KHDRBS2: variants seen among roughly 807,000 people sequenced by gnomAD.
KHDRBS2 encodes KH RNA binding domain containing, signal transduction associated 2.
In KHDRBS2, 26 loss-of-function variants were observed where a neutral mutation model predicts 44.3. The observed-to-expected ratio is 0.59, with a 90% CI of 0.43 to 0.81. The LOEUF (loss-of-function observed/expected upper bound fraction) is 0.81. KHDRBS2 is among the 40% of genes least tolerant of loss of function. KHDRBS2 has a pLI of 0.00. For synonymous variants in KHDRBS2, 194 were observed against 151.1 expected (o/e 1.28, Z -2.08); for missense variants, 476 against 433.1 (o/e 1.10, Z -0.88).
intron 6 of KHDRBS2, among the ~76,000 whole-genome samples, chr6:61,734,699 C>T (rs557625803): frequency 3.3e-5 from 5 of 152,098 alleles, no homozygotes; most frequent in Admixed American, 3.3e-4. Flanking sequence ...TTCTCATACA[C>T]CTTTTCCTTT....
At chr6:61,676,465 T>C (rs1582115176), downstream of KHDRBS2, among the ~76,000 whole-genome samples, 4 of 151,984 alleles carry the variant, frequency 2.6e-5, no homozygotes, top group South Asian at 6.2e-4. Flanking sequence ...ATTTAAGTTC[T>C]GGAGGCACTG....
chr6:61,838,899 G>T (rs1361593339), intron 6 of KHDRBS2, among the ~76,000 whole-genome samples: 1 of 152,042 alleles, frequency 6.6e-6, no homozygotes, highest in Admixed American at 6.6e-5. Context: ...CCTTGCATGA[G>T]ATTGAGAAGT....
chr6:61,970,545 A>G (rs982639939), intron 4 of KHDRBS2, among the ~76,000 whole-genome samples: 2 of 152,110 alleles, frequency 1.3e-5, no homozygotes, highest in African/African-American at 4.8e-5. Flanking sequence ...GCATTTAGAG[A>G]TTACTGAGAG....
At chr6:62,089,416 G>A (rs941880465) in intron 2 of KHDRBS2, among the ~76,000 whole-genome samples, 1 of 152,196 alleles carries the variant, frequency 6.6e-6, no homozygotes, top group African/African-American at 2.4e-5. Context: ...TGGGAAAAGT[G>A]TAGTATCTGG....
At chr6:62,284,986 T>A (rs1842282985) in intron 1 of KHDRBS2, among the ~76,000 whole-genome samples, 1 of 151,980 alleles carries the variant, frequency 6.6e-6, no homozygotes, top group Admixed American at 6.5e-5. Flanking sequence ...GAAGCATTCA[T>A]CTAAAAAAAA....
At chr6:62,188,838 G>A (rs1460974370) in intron 1 of KHDRBS2, among the ~76,000 whole-genome samples, 2 of 152,182 alleles carry the variant, frequency 1.3e-5, no homozygotes, top group Non-Finnish European at 2.9e-5. Context: ...AGTAGGCTGG[G>A]TGCGGTGGCT....
chr6:61,658,062 G>T, the KHDRBS2 span, among the ~76,000 whole-genome samples: 1 of 151,740 alleles, frequency 6.6e-6, no homozygotes, highest in African/African-American at 2.4e-5. Context: ...TTATGCATAG[G>T]CTAGTCCACT....
At chr6:62,054,273 T>C (rs1789761820) in intron 2 of KHDRBS2, among the ~76,000 whole-genome samples, 1 of 152,062 alleles carries the variant, frequency 6.6e-6, no homozygotes, top group African/African-American at 2.4e-5. Context: ...ATATCAAGAT[T>C]CATCATAAAC....
chr6:62,285,772 T>A, intron 1 of KHDRBS2, 86 bp downstream of exon 1: 1 of 835,466 alleles, frequency 1.2e-6, no homozygotes, highest in Non-Finnish European at 1.9e-6. Context: ...GGGAGAGGAG[T>A]CCCTCCCCAA....
chr6:61,877,543 C>T (rs1799598222), intron 6 of KHDRBS2, among the ~76,000 whole-genome samples: 2 of 151,594 alleles, frequency 1.3e-5, no homozygotes, highest in Non-Finnish European at 2.9e-5. Flanking sequence ...ACACACAAAC[C>T]TACACTGCTC....
At chr6:62,072,275 T>G (rs1795309593) in intron 2 of KHDRBS2, among the ~76,000 whole-genome samples, 1 of 152,220 alleles carries the variant, frequency 6.6e-6, no homozygotes, top group Non-Finnish European at 1.5e-5. Context: ...TATACAATCA[T>G]GTCATCTGCA....
At chr6:61,796,467 T>A (rs1258444348) in intron 6 of KHDRBS2, among the ~76,000 whole-genome samples, 1 of 152,110 alleles carries the variant, frequency 6.6e-6, no homozygotes, top group East Asian at 1.9e-4. Context: ...ATTCACATTA[T>A]GAGAATTTGG....
At chr6:61,612,027 T>C in the KHDRBS2 span, among the ~76,000 whole-genome samples, 1 of 152,344 alleles carries the variant, frequency 6.6e-6, no homozygotes, top group East Asian at 1.9e-4. Flanking sequence ...TGTATACATG[T>C]GCATATATAA....
At chr6:61,687,505 C>G (rs1252810463) in intron 8 of KHDRBS2, among the ~76,000 whole-genome samples, 1 of 151,758 alleles carries the variant, frequency 6.6e-6, no homozygotes, top group Non-Finnish European at 1.5e-5. Flanking sequence ...ATAGGCTTCC[C>G]TCAGATGGAT....
intron 3 of KHDRBS2, among the ~76,000 whole-genome samples, chr6:61,982,020 C>G (rs1773944202): frequency 6.6e-6 from 1 of 152,072 alleles, no homozygotes; most frequent in Non-Finnish European, 1.5e-5. Context: ...CCTTTGTCAA[C>G]TGTGTTATAA....
At chr6:61,930,541 AAAAAG>A (rs1207050876) in intron 4 of KHDRBS2, among the ~76,000 whole-genome samples, 348 of 30,772 alleles carry the variant, frequency 0.011, 76 homozygotes, top group Non-Finnish European at 0.023. Context: ...AAAAAAAAAA[AAAAAG>A]AAAAAAAAAA....
intron 6 of KHDRBS2, among the ~76,000 whole-genome samples, chr6:61,872,489 C>A (rs1055798611): frequency 8.6e-5 from 13 of 151,680 alleles, no homozygotes; most frequent in African/African-American, 2.7e-4. Context: ...AGAATAATGA[C>A]ATTGATAATT....
At chr6:61,848,374 T>C (rs971292808) in intron 6 of KHDRBS2, among the ~76,000 whole-genome samples, 1 of 147,240 alleles carries the variant, frequency 6.8e-6, no homozygotes, top group Non-Finnish European at 1.5e-5. Context: ...GGTCGCAATG[T>C]TGCATGTCCA....
At chr6:61,816,805 C>T (rs919919317) in intron 6 of KHDRBS2, 1 of 379,172 alleles carries the variant, frequency 2.6e-6, no homozygotes, top group African/African-American at 2.1e-5. Context: ...AACTCTCCCA[C>T]ATACATTTTA....
Sources: gnomAD v4.1 joint callset for allele counts (sites outside exome capture counted in the v4.1 genomes callset) on GRCh38, gnomAD v4.1.1 for gene constraint, MANE v1.5 for transcripts, NCBI Gene and HGNC (gene_info 2026-07-23, HGNC 2026-07-21) for gene names.